The following IRAG2 variants were observed in gnomAD, a reference collection of about 807,000 sequenced individuals.
IRAG2 encodes the protein inositol 1,4,5-triphosphate receptor associated 2.
Under a neutral mutation model 69.9 loss-of-function variants are expected in IRAG2, and 45 were observed. The observed-to-expected ratio is 0.64, with a 90% confidence interval of 0.51 to 0.83. The LOEUF (loss-of-function observed/expected upper bound fraction) is 0.83. IRAG2 is among the 40% of genes least tolerant of loss of function. IRAG2 has a pLI of 0.00. For missense variants in IRAG2, 520 were observed against 587.0 expected, an observed-to-expected ratio of 0.89 and a Z score of 1.18; for synonymous variants, 193 against 202.4, an observed-to-expected ratio of 0.95 and a Z score of 0.40.
chr12:25,010,469 AAAC>A (rs1418808719), intron 2 of IRAG2, among the ~76,000 whole-genome samples: 2 of 90,850 alleles, frequency 2.2e-5, no homozygotes, highest in Non-Finnish European at 5.0e-5. Context: ...CTGTGTCAAA[AAAC>A]AAACAAAAAA....
At chr12:25,043,119 T>A (rs1944764137) in intron 16 of IRAG2, among the ~76,000 whole-genome samples, 1 of 152,124 alleles carries the variant, frequency 6.6e-6, no homozygotes, top group South Asian at 2.1e-4. Flanking sequence ...AAATTCCTAT[T>A]GTGAAGAACC....
intron 1 of IRAG2, among the ~76,000 whole-genome samples, chr12:25,059,382 G>C (rs1203842050): frequency 6.6e-6 from 1 of 151,940 alleles, no homozygotes; most frequent in Non-Finnish European, 1.5e-5. Context: ...ACAGAGTCTT[G>C]CTCTGTCACC....
chr12:25,048,276 T>G (rs1295264414), upstream of IRAG2, among the ~76,000 whole-genome samples: 1 of 152,180 alleles, frequency 6.6e-6, no homozygotes, highest in Admixed American at 6.5e-5. Context: ...TGTCTGTTCC[T>G]GTCCTTTGCC....
intron 6 of IRAG2, among the ~76,000 whole-genome samples, chr12:25,075,316 G>T (rs1946609296): frequency 6.6e-6 from 1 of 151,876 alleles, no homozygotes; most frequent in Non-Finnish European, 1.5e-5. Context: ...ATCTAAAATG[G>T]GTCAAATAGT....
chr12:24,999,124 A>G, the IRAG2 span, among the ~76,000 whole-genome samples: 2 of 152,308 alleles, frequency 1.3e-5, no homozygotes, highest in East Asian at 3.9e-4. Flanking sequence ...ATACATTCCT[A>G]AAGAATAAGA....
chr12:25,039,673 G>C (rs868441210), intron 16 of IRAG2, among the ~76,000 whole-genome samples: 1 of 152,026 alleles, frequency 6.6e-6, no homozygotes, highest in Non-Finnish European at 1.5e-5. Flanking sequence ...CTCGTGATCC[G>C]CCCCCCTCGG....
At chr12:25,081,157 C>CTG (rs934523052) in intron 9 of IRAG2, among the ~76,000 whole-genome samples, 4 of 151,946 alleles carry the variant, frequency 2.6e-5, no homozygotes, top group African/African-American at 9.7e-5. Flanking sequence ...TGTGGTCTCT[C>CTG]TCTCTCTCAA....
intron 17 of IRAG2, chr12:25,103,614 T>C (rs761259191): frequency 2.8e-5 from 14 of 497,920 alleles, no homozygotes; most frequent in Admixed American, 7.6e-5. Flanking sequence ...ATTTGTTAGA[T>C]TGGCATAAAT....
intron 6 of IRAG2, 40 bp from the exon 7 acceptor site, chr12:25,079,204 T>C: frequency 3.7e-6 from 6 of 1,608,520 alleles, no homozygotes; most frequent in Non-Finnish European, 5.1e-6. Flanking sequence ...ATGGAAAATG[T>C]CAAATTGTTG....
intron 9 of IRAG2, among the ~76,000 whole-genome samples, 168 bp downstream of exon 9, chr12:25,079,931 A>C (rs1184804232): frequency 6.6e-6 from 1 of 152,242 alleles, no homozygotes; most frequent in African/African-American, 2.4e-5. Flanking sequence ...AAGAAATCCA[A>C]GTGGTAACTA....
chr12:25,062,911 G>A lies in IRAG2; in HGVS notation c.-304+11G>A, dbSNP rs1945719988. 1 of 398,948 alleles carries A rather than the reference G, an allele frequency of 2.5e-6. No homozygotes were observed. The allele number at this position is 398,948 out of a possible 1,614,324, so 24.7% of individuals were successfully genotyped here. A position where few individuals can be genotyped will look rare whatever the true frequency, so the allele number is the denominator to read the frequency against. ...CTTCAAGAAAAATTGGTAATTGCGA[G>A]CTTTTTGAAATTATTTAGGTAGTAA... On this transcript the variant is annotated intron_variant, in intron 3 of 21. Transcript: ENST00000556887.
upstream of IRAG2, among the ~76,000 whole-genome samples, chr12:25,000,135 A>C (rs1265842360): frequency 6.6e-6 from 1 of 152,210 alleles, no homozygotes; most frequent in Non-Finnish European, 1.5e-5. Flanking sequence ...TGGCTGTCTA[A>C]AGGGATGGAT....
intron 19 of IRAG2, 116 bp downstream of exon 19, chr12:25,104,174 C>A: frequency 1.0e-6 from 1 of 955,558 alleles, no homozygotes; most frequent in South Asian, 1.6e-5. Flanking sequence ...AAAGTGTAAA[C>A]AGAATAATTA....
At chr12:25,016,555 G>C (rs888083792) in intron 5 of IRAG2, among the ~76,000 whole-genome samples, 1 of 151,946 alleles carries the variant, frequency 6.6e-6, no homozygotes, top group Non-Finnish European at 1.5e-5. Context: ...TTGAGATCAG[G>C]AGTTCAAGAC....
At chr12:25,064,028 C>CGGG (rs1456747202) in intron 4 of IRAG2, among the ~76,000 whole-genome samples, 1 of 152,124 alleles carries the variant, frequency 6.6e-6, no homozygotes, top group East Asian at 1.9e-4. Flanking sequence ...TGGCCAGGCA[C>CGGG]GGGGGCTCAT....
intron 16 of IRAG2, among the ~76,000 whole-genome samples, chr12:25,043,040 T>C (rs538995194): frequency 4.8e-5 from 7 of 147,216 alleles, no homozygotes; most frequent in Admixed American, 1.4e-4. Context: ...TCCTGCAAGA[T>C]GGTGGAATAG....
chr12:25,098,200 G>GA (rs1948539223), intron 15 of IRAG2, among the ~76,000 whole-genome samples: 1 of 152,170 alleles, frequency 6.6e-6, no homozygotes, highest in Non-Finnish European at 1.5e-5. Flanking sequence ...TGCATAGCTG[G>GA]AAAATGTCAC....
In IRAG2 at chr12:25,079,434, A is replaced by G. The variant is rs146091825; in HGVS notation, c.108A>G (p.Ser36=). Reference sequence around the variant, plus strand: ...CACTACCATTACCCAGACACACTTCATCGACAGACGGTACTATAACTTCAA... The same window carrying G: ...CACTACCATTACCCAGACACACTTCGTCGACAGACGGTACTATAACTTCAA... The part of the protein sequence containing the change: ...YSSLPLPRHT[S]STDGTITSSD... Residue 36 remains serine (S), a synonymous_variant, in exon 8 of 22, where the codon TCA becomes TCG. Transcript: ENST00000556887. The G allele has an allele frequency of 1.2e-3, 1,924 of 1,613,724 alleles. 2 individuals carry two copies. Among genetic ancestry groups the G allele is most frequent in the Non-Finnish European group, 1.5e-3 (1,770 of 1,179,606 alleles).
chr12:25,105,714 C>T (rs943295298), intron 20 of IRAG2, among the ~76,000 whole-genome samples: 1 of 151,986 alleles, frequency 6.6e-6, no homozygotes, highest in Non-Finnish European at 1.5e-5. Context: ...GGTATGATTT[C>T]TACTGAGAAG....
Sources: allele counts gnomAD v4.1 joint callset (sites outside exome capture counted in the v4.1 genomes callset), GRCh38; gene constraint gnomAD v4.1.1; transcripts MANE v1.5; gene names NCBI Gene and HGNC (gene_info 2026-07-23, HGNC 2026-07-21).